The following GRID2 variants were observed in gnomAD, a reference collection of about 807,000 sequenced individuals.
GRID2 encodes the protein glutamate ionotropic receptor delta type subunit 2, also known as glutamate receptor ionotropic, delta-2.
GRID2 carries 33 observed loss-of-function variants against 114.8 expected under a neutral mutation model. The observed-to-expected ratio is 0.29, with a 90% CI of 0.22 to 0.38. The LOEUF is 0.38. Among genes scored for constraint, GRID2 ranks in the 10% least tolerant of loss-of-function variants. The pLI is 1.00. For synonymous variants in GRID2, 505 were observed against 449.9 expected, an observed-to-expected ratio of 1.12 and a Z score of -1.55; for missense variants, 1,184 against 1,257.7, an observed-to-expected ratio of 0.94 and a Z score of 0.89.
intron 2 of GRID2, among the ~76,000 whole-genome samples, chr4:92,649,926 T>C (rs1293583712): frequency 6.6e-6 from 1 of 152,008 alleles, no homozygotes; most frequent in Non-Finnish European, 1.5e-5. Context: ...AAGTTCACAT[T>C]TGACTTAATA....
intron 1 of GRID2, among the ~76,000 whole-genome samples, chr4:92,339,274 T>A (rs1439313544): frequency 1.3e-5 from 2 of 152,148 alleles, no homozygotes; most frequent in African/African-American, 4.8e-5. Flanking sequence ...CTATCTATGT[T>A]GCTGCTAGAA....
chr4:92,837,819 C>A (rs574483196), intron 2 of GRID2, among the ~76,000 whole-genome samples: 19 of 152,134 alleles, frequency 1.2e-4, no homozygotes, highest in African/African-American at 4.6e-4. Context: ...CATAAATTAA[C>A]AACAACCTAA....
At chr4:93,576,806 T>C (rs1333641408) in intron 13 of GRID2, among the ~76,000 whole-genome samples, 1 of 152,052 alleles carries the variant, frequency 6.6e-6, no homozygotes, top group East Asian at 1.9e-4. Context: ...TACATATGTG[T>C]TTTAGTGTTC....
intron 2 of GRID2, among the ~76,000 whole-genome samples, chr4:92,965,394 G>GA (rs1255514632): frequency 7.9e-6 from 1 of 127,118 alleles, no homozygotes; most frequent in Non-Finnish European, 1.6e-5. Flanking sequence ...CTTGCTGTTG[G>GA]AAAAATTGTG....
intron 2 of GRID2, among the ~76,000 whole-genome samples, chr4:92,728,352 G>A (rs773756155): frequency 2.6e-5 from 4 of 152,188 alleles, no homozygotes; most frequent in Non-Finnish European, 5.9e-5. Context: ...GGGTAAGTCT[G>A]ATTCAAAGTC....
intron 2 of GRID2, among the ~76,000 whole-genome samples, chr4:92,991,391 G>A (rs1294581869): frequency 4.6e-5 from 7 of 152,126 alleles, no homozygotes; most frequent in South Asian, 4.1e-4. Context: ...TCAAACTGAC[G>A]ATAAGTGTGA....
intron 1 of GRID2, among the ~76,000 whole-genome samples, chr4:92,484,385 C>A (rs1054096117): frequency 1.3e-5 from 2 of 151,780 alleles, no homozygotes; most frequent in African/African-American, 4.8e-5. Flanking sequence ...TCCAGAAGCC[C>A]CAGCAGTAAT....
chr4:92,448,069 G>A (rs1015936154), intron 1 of GRID2, among the ~76,000 whole-genome samples: 1 of 152,124 alleles, frequency 6.6e-6, no homozygotes, highest in African/African-American at 2.4e-5. Flanking sequence ...TACATGAAAT[G>A]ACCAGTGCAA....
At chr4:92,671,787 A>C (rs1008157868) in intron 2 of GRID2, among the ~76,000 whole-genome samples, 21 of 152,092 alleles carry the variant, frequency 1.4e-4, no homozygotes, top group African/African-American at 4.1e-4. Flanking sequence ...TTTTCCCTTT[A>C]CCTTTGATCT....
chr4:93,482,937 A>C (rs1406955486), intron 11 of GRID2, among the ~76,000 whole-genome samples: 1 of 151,888 alleles, frequency 6.6e-6, no homozygotes, highest in Non-Finnish European at 1.5e-5. Flanking sequence ...TCACTTCCTT[A>C]TTACCCCCAC....
intron 2 of GRID2, among the ~76,000 whole-genome samples, chr4:92,993,619 A>G (rs1755034973): frequency 6.6e-6 from 1 of 152,152 alleles, no homozygotes; most frequent in South Asian, 2.1e-4. Flanking sequence ...TACATAGGCA[A>G]TTTGGAGAGG....
intron 4 of GRID2, among the ~76,000 whole-genome samples, chr4:93,114,471 T>C (rs1733054872): frequency 6.6e-6 from 1 of 152,162 alleles, no homozygotes; most frequent in South Asian, 2.1e-4. Context: ...CATCCACCAT[T>C]TTTTTAAGTA....
At chr4:92,861,363 A>G (rs1412022996) in intron 2 of GRID2, among the ~76,000 whole-genome samples, 2 of 152,112 alleles carry the variant, frequency 1.3e-5, no homozygotes, top group East Asian at 1.9e-4. Flanking sequence ...AAATCTATCA[A>G]ACACCCAGTT....
intron 4 of GRID2, among the ~76,000 whole-genome samples, chr4:93,190,714 A>G (rs547219557): frequency 2.0e-4 from 30 of 152,092 alleles, no homozygotes; most frequent in African/African-American, 6.7e-4. Context: ...GACCTACGCT[A>G]TTTCCTAGCT....
chr4:92,661,662 A>T (rs1408446576), intron 2 of GRID2, among the ~76,000 whole-genome samples: 1 of 151,110 alleles, frequency 6.6e-6, no homozygotes, highest in Non-Finnish European at 1.5e-5. Flanking sequence ...GGAATATTTT[A>T]AATTTAATAT....
At chr4:93,609,325 C>G (rs1373718511) in intron 13 of GRID2, among the ~76,000 whole-genome samples, 2 of 83,280 alleles carry the variant, frequency 2.4e-5, no homozygotes, top group African/African-American at 9.6e-5. Context: ...AATTAGATCC[C>G]ATTTGTCAAT....
intron 14 of GRID2, among the ~76,000 whole-genome samples, chr4:93,754,918 T>G (rs771957480): frequency 6.6e-6 from 1 of 152,192 alleles, no homozygotes; most frequent in Non-Finnish European, 1.5e-5. Flanking sequence ...AGCCTCTTGG[T>G]CCCTCTGACA....
intron 1 of GRID2, among the ~76,000 whole-genome samples, chr4:92,319,108 C>G (rs1726169888): frequency 1.3e-5 from 2 of 152,108 alleles, no homozygotes; most frequent in South Asian, 4.1e-4. Flanking sequence ...TACCTTCTAT[C>G]TCACTCTTGG....
At chr4:93,724,384 C>T (rs532835501) in intron 14 of GRID2, among the ~76,000 whole-genome samples, 21 of 152,130 alleles carry the variant, frequency 1.4e-4, no homozygotes, top group African/African-American at 4.6e-4. Context: ...TATGTTGCAT[C>T]GTATCTTCAT....
Sources: gnomAD v4.1 joint callset for allele counts (sites outside exome capture counted in the v4.1 genomes callset) on GRCh38, gnomAD v4.1.1 for gene constraint, MANE v1.5 for transcripts, NCBI Gene and HGNC (gene_info 2026-07-23, HGNC 2026-07-21) for gene names.